Variants in RAB28 observed in about 807,000 individuals in gnomAD.
RAB28 encodes the protein RAB28, member RAS oncogene family, also known as ras-related protein Rab-28.
A neutral mutation model predicts 31.7 loss-of-function variants in RAB28; 24 were observed. That is an observed-to-expected ratio of 0.76 (90% CI 0.55 to 1.06). The LOEUF is 1.06. RAB28 is among the 50% of genes least tolerant of loss of function. The pLI is 0.00. For missense variants in RAB28, 254 were observed against 258.5 expected (o/e 0.98, Z 0.12); for synonymous variants, 100 against 90.4 (o/e 1.11, Z -0.60).
intron 4 of RAB28, among the ~76,000 whole-genome samples, chr4:13,395,618 T>C (rs1319569221): frequency 2.6e-5 from 4 of 151,724 alleles, no homozygotes; most frequent in African/African-American, 7.3e-5. Context: ...CCTATATGAC[T>C]ACTGATAACA....
chr4:13,401,233 T>A (rs189651285), intron 4 of RAB28, among the ~76,000 whole-genome samples: 3 of 152,232 alleles, frequency 2.0e-5, no homozygotes, highest in Non-Finnish European at 4.4e-5. Flanking sequence ...TTCCAAATTA[T>A]GAATTCAACT....
chr4:13,434,825 C>G (rs1192415260), intron 4 of RAB28, among the ~76,000 whole-genome samples: 1 of 151,894 alleles, frequency 6.6e-6, no homozygotes, highest in Non-Finnish European at 1.5e-5. Context: ...TTGAGACCAG[C>G]CTGGCATATA....
Position 13,368,056 on chromosome 4 carries a change from CT to C in RAB28, c.*501del, listed in dbSNP as rs1328224332. On this transcript the variant is annotated 3_prime_UTR_variant, in exon 7 of 7. Coordinates refer to ENST00000330852, the MANE Select transcript of RAB28 (RefSeq NM_001017979.3). ...TTCAAGCATTTTCAGTTAGAAACAG[CT>C]TTATATACTTTTACTCACGATAGCG... is the stretch of plus-strand genomic sequence containing the variant. 2 of 975,908 alleles carry C rather than the reference CT, an allele frequency of 2.0e-6. No individual in the cohort carries two copies. Among genetic ancestry groups the C allele is most frequent in the African/African-American group, 3.5e-5 (2 of 56,972 alleles). 60.5% of individuals were successfully genotyped at this position (975,908 alleles called of 1,614,324 possible). A position where few individuals can be genotyped will look rare whatever the true frequency, so the allele number is the denominator to read the frequency against.
intron 5 of RAB28, among the ~76,000 whole-genome samples, chr4:13,380,417 T>TA (rs1372810457): frequency 1.3e-5 from 2 of 152,108 alleles, no homozygotes; most frequent in Non-Finnish European, 2.9e-5. Context: ...GATACATGAC[T>TA]ATTAGCACTA....
intron 4 of RAB28, among the ~76,000 whole-genome samples, chr4:13,395,875 A>G (rs1211761163): frequency 1.3e-5 from 2 of 152,020 alleles, no homozygotes; most frequent in African/African-American, 4.8e-5. Flanking sequence ...TTTCCCAAGT[A>G]TTTATTTTCC....
At chr4:13,467,144 T>C (rs565238283) in intron 3 of RAB28, among the ~76,000 whole-genome samples, 23 of 152,030 alleles carry the variant, frequency 1.5e-4, no homozygotes, top group African/African-American at 5.5e-4. Context: ...ATCATACATT[T>C]CAAAATTGCT....
intron 4 of RAB28, among the ~76,000 whole-genome samples, chr4:13,427,705 T>C (rs1713582971): frequency 6.6e-6 from 1 of 152,146 alleles, no homozygotes; most frequent in South Asian, 2.1e-4. Flanking sequence ...ACCAGGAAGC[T>C]GCAATCAGAA....
intron 6 of RAB28, among the ~76,000 whole-genome samples, chr4:13,374,950 G>A (rs886456595): frequency 2.6e-5 from 4 of 151,974 alleles, no homozygotes; most frequent in African/African-American, 9.7e-5. Context: ...AACACAAATG[G>A]TCATTTATTT....
chr4:13,381,175 G>C (rs1378522424), intron 5 of RAB28, among the ~76,000 whole-genome samples: 2 of 151,998 alleles, frequency 1.3e-5, no homozygotes, highest in Middle Eastern at 6.3e-3. Context: ...CCTAGCCACA[G>C]GCAGCAGCAC....
chr4:13,385,886 A>C (rs1366263126), intron 4 of RAB28, among the ~76,000 whole-genome samples: 3 of 152,202 alleles, frequency 2.0e-5, no homozygotes, highest in African/African-American at 7.2e-5. Context: ...TAAAGGCTTA[A>C]ATTTAAGACC....
intron 1 of RAB28, among the ~76,000 whole-genome samples, chr4:13,481,351 G>C (rs1230190177): frequency 6.6e-6 from 1 of 152,008 alleles, no homozygotes; most frequent in African/African-American, 2.4e-5. Flanking sequence ...AAATTGAACA[G>C]AGAATCAACT....
At chr4:13,454,845 A>G (rs1210358062) in intron 4 of RAB28, among the ~76,000 whole-genome samples, 1 of 152,150 alleles carries the variant, frequency 6.6e-6, no homozygotes, top group Non-Finnish European at 1.5e-5. Context: ...GGTCCAGTAC[A>G]TGGCTACACA....
chr4:13,376,558 A>G lies in RAB28; in HGVS notation c.560T>C (p.Ile187Thr). The G allele has an allele frequency of 1.2e-6, 2 of 1,603,002 alleles. No homozygotes were observed. Among genetic ancestry groups the G allele is most frequent in the Non-Finnish European group, 1.7e-6 (2 of 1,175,862 alleles). The change falls in exon 6 of 7, where the codon ATA becomes ACA. Residue 187 changes from isoleucine to threonine, a missense_variant. Transcript: ENST00000330852. Reference sequence around the variant, plus strand: ...CAAGGTAATCACCTGTGACTGTTCTATTTCTGCTTTGTTTAATTTGATCCC... The same window carrying G: ...CAAGGTAATCACCTGTGACTGTTCTGTTTCTGCTTTGTTTAATTTGATCCC... ...ILGIKLNKAE[I>T]EQSQRVVKAD...
chr4:13,432,328 G>A (rs1356996699), intron 4 of RAB28, among the ~76,000 whole-genome samples: 1 of 152,036 alleles, frequency 6.6e-6, no homozygotes, highest in African/African-American at 2.4e-5. Flanking sequence ...GCATTCCTGA[G>A]AGAGAAAAAG....
At chr4:13,483,365 G>A (rs555043325) in intron 1 of RAB28, among the ~76,000 whole-genome samples, 1 of 152,250 alleles carries the variant, frequency 6.6e-6, no homozygotes, top group East Asian at 1.9e-4. Flanking sequence ...ACCCGTAACA[G>A]GAGCTCCATA....
At chr4:13,417,736 A>C (rs986821488) in intron 4 of RAB28, among the ~76,000 whole-genome samples, 1 of 152,196 alleles carries the variant, frequency 6.6e-6, no homozygotes, top group Admixed American at 6.5e-5. Flanking sequence ...CCAAAACCCC[A>C]TCTATAGGTC....
intron 4 of RAB28, among the ~76,000 whole-genome samples, chr4:13,423,663 C>T (rs78175161): frequency 0.015 from 2,319 of 152,280 alleles, 32 homozygotes; most frequent in South Asian, 0.026. Context: ...TCAACAGACA[C>T]TGTAGGGCCC....
intron 1 of RAB28, among the ~76,000 whole-genome samples, chr4:13,481,748 A>ACT (rs1175625507): frequency 6.6e-6 from 1 of 152,116 alleles, no homozygotes; most frequent in Non-Finnish European, 1.5e-5. Flanking sequence ...TCTTGGAGAA[A>ACT]CTGTTAGTCA....
intron 4 of RAB28, among the ~76,000 whole-genome samples, chr4:13,424,898 A>C (rs950242227): frequency 1.3e-5 from 2 of 152,122 alleles, no homozygotes; most frequent in Non-Finnish European, 2.9e-5. Context: ...TCCTATCTTA[A>C]AATTGAAAGC....
Sources: gnomAD v4.1 joint callset for allele counts (sites outside exome capture counted in the v4.1 genomes callset) on GRCh38, gnomAD v4.1.1 for gene constraint, MANE v1.5 for transcripts, NCBI Gene and HGNC (gene_info 2026-07-23, HGNC 2026-07-21) for gene names.